Variants in NRG2 observed in about 807,000 individuals in gnomAD.
The protein encoded by NRG2 is neuregulin 2.
NRG2 carries 27 observed loss-of-function variants against 73.9 expected under a neutral mutation model. The observed-to-expected ratio is 0.37, with a 90% CI of 0.27 to 0.50. The LOEUF (loss-of-function observed/expected upper bound fraction) is 0.50. Among genes scored for constraint, NRG2 ranks in the 20% least tolerant of loss-of-function variants. The pLI is 0.96. For synonymous variants in NRG2, 532 were observed against 541.0 expected, an observed-to-expected ratio of 0.98 and a Z score of 0.23; for missense variants, 1,126 against 1,210.1, an observed-to-expected ratio of 0.93 and a Z score of 1.03.
chr5:139,991,715 C>T (rs1355343241), intron 1 of NRG2, among the ~76,000 whole-genome samples: 1 of 152,268 alleles, frequency 6.6e-6, no homozygotes, highest in African/African-American at 2.4e-5. Flanking sequence ...ATTCTTAAAC[C>T]ATCTGGAGTT....
intron 1 of NRG2, among the ~76,000 whole-genome samples, chr5:139,908,668 C>T (rs1765399361): frequency 6.6e-6 from 1 of 152,182 alleles, no homozygotes; most frequent in South Asian, 2.1e-4. Context: ...AAGCACAGCT[C>T]TATGGTGTTG....
At chr5:139,994,928 G>A (rs1757915453) in intron 1 of NRG2, among the ~76,000 whole-genome samples, 2 of 152,178 alleles carry the variant, frequency 1.3e-5, no homozygotes, top group African/African-American at 2.4e-5. Flanking sequence ...AGAAGATGAG[G>A]AGATGGAAGG....
At chr5:139,905,012 A>G (rs1166879461) in intron 1 of NRG2, among the ~76,000 whole-genome samples, 1 of 152,064 alleles carries the variant, frequency 6.6e-6, no homozygotes, top group African/African-American at 2.4e-5. Context: ...TGCAACCACC[A>G]TTTGTGCCTG....
intron 1 of NRG2, among the ~76,000 whole-genome samples, chr5:139,994,232 G>C (rs538001409): frequency 2.1e-4 from 32 of 152,172 alleles, no homozygotes; most frequent in Non-Finnish European, 4.3e-4. Flanking sequence ...CCAAAAAAAA[G>C]AAATTGTTGT....
intron 1 of NRG2, among the ~76,000 whole-genome samples, chr5:140,030,541 A>G (rs1761052855): frequency 1.3e-5 from 2 of 152,238 alleles, no homozygotes; most frequent in African/African-American, 4.8e-5. Context: ...CAAGGGAACC[A>G]GTCTCAGCTC....
intron 9 of NRG2, among the ~76,000 whole-genome samples, chr5:139,849,637 A>C (rs1194279236): frequency 2.0e-5 from 3 of 151,972 alleles, no homozygotes; most frequent in Non-Finnish European, 2.9e-5. Flanking sequence ...TTCCCTTCCA[A>C]ACTGCACAGC....
chr5:140,022,121 T>G (rs1760281679), intron 1 of NRG2, among the ~76,000 whole-genome samples: 1 of 152,228 alleles, frequency 6.6e-6, no homozygotes, highest in African/African-American at 2.4e-5. Context: ...TAGTTCAGGT[T>G]TGCAGAACTA....
chr5:140,032,626 A>G (rs1389727542), intron 1 of NRG2, among the ~76,000 whole-genome samples: 1 of 152,184 alleles, frequency 6.6e-6, no homozygotes, highest in East Asian at 1.9e-4. Context: ...TATTAACTTC[A>G]CCATATTTTA....
At chr5:139,857,109 C>T (rs1323601111) in intron 5 of NRG2, among the ~76,000 whole-genome samples, 2 of 152,226 alleles carry the variant, frequency 1.3e-5, no homozygotes, top group Non-Finnish European at 2.9e-5. Context: ...AGCTGCTCTC[C>T]TCCTTCTGGG....
chr5:139,951,948 C>T (rs2126467164), intron 1 of NRG2, among the ~76,000 whole-genome samples: 1 of 152,324 alleles, frequency 6.6e-6, no homozygotes, highest in East Asian at 1.9e-4. Flanking sequence ...TTACCAACTA[C>T]ATCGCCAGGA....
intron 1 of NRG2, among the ~76,000 whole-genome samples, chr5:139,896,184 G>A (rs1340358159): frequency 2.0e-5 from 3 of 152,126 alleles, no homozygotes; most frequent in Non-Finnish European, 4.4e-5. Context: ...TCTTTCTGAG[G>A]GTCTGCCAAG....
chr5:139,879,665 G>A (rs1189271835), intron 3 of NRG2, among the ~76,000 whole-genome samples: 1 of 152,200 alleles, frequency 6.6e-6, no homozygotes, highest in Non-Finnish European at 1.5e-5. Flanking sequence ...TGGGGAACAT[G>A]ACAGGATAAA....
At position 139,852,693 on chromosome 5, in the gene NRG2, T is replaced by G; in HGVS notation, c.1417-134A>C. The G allele has an allele frequency of 1.4e-6, 2 of 1,442,800 alleles. No individual in the cohort carries two copies. Among genetic ancestry groups the G allele is most frequent in the Non-Finnish European group, 1.9e-6 (2 of 1,059,140 alleles). The allele number at this position is 1,442,800 out of a possible 1,614,324, so 89.4% of individuals were successfully genotyped here. ...CCCACTGTGTGAGAGTGACTTGATG[T>G]TGGGGCAGCGATGGCTCCAGCAAAT... is the stretch of plus-strand genomic sequence containing the variant. On this transcript the variant is annotated intron_variant, in intron 7 of 9. Transcript: ENST00000361474. This position sits in a 1 kb window ranked among gnomAD's most constrained non-coding sequence, Gnocchi z 4.4.
intron 1 of NRG2, among the ~76,000 whole-genome samples, chr5:139,938,569 T>C (rs1458567846): frequency 6.6e-6 from 1 of 152,012 alleles, no homozygotes. Context: ...TCTCGCTGTG[T>C]TCCCAGGCTG....
intron 1 of NRG2, among the ~76,000 whole-genome samples, chr5:139,974,029 A>C (rs919464250): frequency 7.2e-5 from 11 of 152,088 alleles, no homozygotes; most frequent in African/African-American, 2.7e-4. Context: ...AACTGTTCAA[A>C]ATTCAATAGT....
chr5:140,029,681 C>G (rs1424356755), intron 1 of NRG2, among the ~76,000 whole-genome samples: 1 of 79,326 alleles, frequency 1.3e-5, no homozygotes, highest in Non-Finnish European at 2.9e-5. Context: ...GAGCAAGACT[C>G]TGTCTCAAAA....
chr5:139,888,278 C>G lies in NRG2; in HGVS notation c.701-767G>C, dbSNP rs564614135. Among the ~76,000 whole-genome samples, 52 of 152,252 alleles carry G rather than the reference C, an allele frequency of 3.4e-4. 2 individuals carry two copies. The South Asian group carries it at 1.0e-2, about 29-fold the overall frequency. ...TGCAGGCTCTCGTTTGGTCCCTGAC[C>G]TCTGTGAGGCAGTGTCATACTGACA... On this transcript the variant is annotated intron_variant, in intron 1 of 9. Transcript: ENST00000361474.
Position 139,866,686 on chromosome 5 carries a change from C to G in NRG2, c.1113-1061G>C, listed in dbSNP as rs147592898. The stretch of plus-strand genomic sequence containing the variant: ...TTCTCCATCACTGCCTGGACCTGCC[C>G]TGGATCTCATTCTCTGATCTTGCCT... On this transcript the variant is annotated intron_variant, in intron 4 of 9. Transcript: ENST00000361474. 7.2e-5 allele frequency among the ~76,000 whole-genome samples: 11 copies of G among 152,314 alleles called. No homozygotes were observed. In the East Asian group the frequency reaches 2.1e-3, roughly 29 times the overall value.
At chr5:139,903,219 G>A (rs1765001577) in intron 1 of NRG2, among the ~76,000 whole-genome samples, 1 of 152,158 alleles carries the variant, frequency 6.6e-6, no homozygotes, top group Non-Finnish European at 1.5e-5. Flanking sequence ...GACCCAGCAA[G>A]TCTCAGGACC....
Sources: gnomAD v4.1 joint callset for allele counts (sites outside exome capture counted in the v4.1 genomes callset) on GRCh38, gnomAD v4.1.1 for gene constraint, Gnocchi (gnomAD v3.1) non-coding constraint, MANE v1.5 for transcripts, NCBI Gene and HGNC (gene_info 2026-07-23, HGNC 2026-07-21) for gene names.